PDE1A: variants seen among roughly 807,000 people sequenced by gnomAD.
PDE1A encodes the protein dual specificity calcium/calmodulin-dependent 3',5'-cyclic nucleotide phosphodiesterase 1A.
PDE1A carries 35 observed loss-of-function variants against 61.7 expected under a neutral mutation model. That is an observed-to-expected ratio of 0.57 (90% confidence interval 0.43 to 0.75). The LOEUF is 0.75. Ranked by LOEUF, PDE1A falls within the 30% of genes least tolerant of loss-of-function variation. PDE1A has a pLI of 0.00. For synonymous variants in PDE1A, 232 were observed against 213.2 expected (o/e 1.09, Z -0.77); for missense variants, 597 against 630.6 (o/e 0.95, Z 0.57).
At chr2:182,648,060 C>A in the PDE1A span, among the ~76,000 whole-genome samples, 2 of 152,142 alleles carry the variant, frequency 1.3e-5, no homozygotes, top group Non-Finnish European at 2.9e-5. Context: ...TTAAAAAACT[C>A]TCAGGCCTCA....
In PDE1A at chr2:182,186,448, C is replaced by CA. The variant is rs1165154192; in HGVS notation, c.1328+19dup. On this transcript the variant is annotated intron_variant, in intron 12 of 13. Transcript: ENST00000351439. ...AACACCACAAAGATGAAAAATAATG[C>CA]AAAAAAGAAAATATCATACCTGCTT... is the stretch of plus-strand genomic sequence containing the variant. 41 of 1,605,520 alleles carry CA rather than the reference C, an allele frequency of 2.6e-5. No homozygotes were observed. The highest frequency in any genetic ancestry group is 3.5e-5 in the Non-Finnish European group (41 of 1,178,002).
At chr2:182,577,214 T>C in the PDE1A span, among the ~76,000 whole-genome samples, 1 of 152,348 alleles carries the variant, frequency 6.6e-6, no homozygotes, top group South Asian at 2.1e-4. Context: ...TGGCCAAGTC[T>C]ACACTACCAT....
chr2:182,221,667 T>C (rs1688739540), intron 7 of PDE1A, among the ~76,000 whole-genome samples: 1 of 152,014 alleles, frequency 6.6e-6, no homozygotes, highest in Non-Finnish European at 1.5e-5. Context: ...ACTCTTCCTC[T>C]GTCTCCATCA....
At chr2:182,641,086 G>A in the PDE1A span, among the ~76,000 whole-genome samples, 111 of 150,252 alleles carry the variant, frequency 7.4e-4, no homozygotes, top group Non-Finnish European at 1.2e-3. Flanking sequence ...CATGTAGTAA[G>A]TTTTCAAACA....
intron 7 of PDE1A, among the ~76,000 whole-genome samples, chr2:182,214,522 C>T (rs1419967105): frequency 6.6e-6 from 1 of 151,872 alleles, no homozygotes; most frequent in Admixed American, 6.6e-5. Flanking sequence ...GGAAACCCAT[C>T]TCACATGCAG....
chr2:182,468,305 TG>T (rs1375545532), intron 2 of PDE1A, among the ~76,000 whole-genome samples: 1 of 152,010 alleles, frequency 6.6e-6, no homozygotes, highest in Admixed American at 6.6e-5. Context: ...ACTAAGTTTA[TG>T]TACAAGTTTA....
At chr2:182,560,628 G>A in the PDE1A span, among the ~76,000 whole-genome samples, 13 of 152,108 alleles carry the variant, frequency 8.5e-5, no homozygotes, top group African/African-American at 2.9e-4. Flanking sequence ...AGATCCCTGA[G>A]GAATCACCAC....
chr2:182,317,079 T>C (rs535301919), intron 1 of PDE1A, among the ~76,000 whole-genome samples: 1 of 152,324 alleles, frequency 6.6e-6, no homozygotes, highest in African/African-American at 2.4e-5. Context: ...AGTTTACTTA[T>C]GCAGTGCATC....
At chr2:182,284,591 AG>A (rs1281917964) in intron 1 of PDE1A, among the ~76,000 whole-genome samples, 1 of 152,100 alleles carries the variant, frequency 6.6e-6, no homozygotes, top group Non-Finnish European at 1.5e-5. Flanking sequence ...TCTTGCTTAA[AG>A]GGGGCATGTT....
intron 1 of PDE1A, among the ~76,000 whole-genome samples, chr2:182,271,934 C>T (rs1693056695): frequency 2.0e-5 from 3 of 151,948 alleles, no homozygotes; most frequent in Admixed American, 2.0e-4. Flanking sequence ...GATGCAAAAA[C>T]ATGCTACTTT....
chr2:182,177,196 C>T (rs987256488), intron 13 of PDE1A, among the ~76,000 whole-genome samples: 2 of 151,930 alleles, frequency 1.3e-5, no homozygotes, highest in African/African-American at 4.8e-5. Flanking sequence ...TGATGCTGGC[C>T]TCATAAAATG....
At chr2:182,619,652 T>C in the PDE1A span, among the ~76,000 whole-genome samples, 1 of 152,234 alleles carries the variant, frequency 6.6e-6, no homozygotes, top group African/African-American at 2.4e-5. Context: ...TAGGACAAGA[T>C]TTTTTTCTTT....
At chr2:182,572,062 G>A in the PDE1A span, among the ~76,000 whole-genome samples, 1 of 152,184 alleles carries the variant, frequency 6.6e-6, no homozygotes, top group Non-Finnish European at 1.5e-5. Context: ...GAGAGGCAGA[G>A]ACTTTTTTTG....
At chr2:182,323,322 T>C (rs984692341) in intron 1 of PDE1A, among the ~76,000 whole-genome samples, 4 of 152,110 alleles carry the variant, frequency 2.6e-5, no homozygotes, top group Non-Finnish European at 4.4e-5. Context: ...AACAAAAAAC[T>C]CCCATTTCTT....
chr2:182,252,993 T>TA (rs1167866609), intron 2 of PDE1A, among the ~76,000 whole-genome samples: 2 of 152,248 alleles, frequency 1.3e-5, no homozygotes, highest in African/African-American at 4.8e-5. Flanking sequence ...TAGTACTTGA[T>TA]ACTTGCTCAA....
intron 2 of PDE1A, among the ~76,000 whole-genome samples, chr2:182,499,584 G>T (rs1016522930): frequency 6.6e-6 from 1 of 152,086 alleles, no homozygotes; most frequent in African/African-American, 2.4e-5. Context: ...GGCTTATGAG[G>T]GTTGGGAAGA....
intron 1 of PDE1A, chr2:182,314,526 G>C (rs112230187): frequency 6.6e-6 from 1 of 152,096 alleles, no homozygotes; most frequent in Non-Finnish European, 1.5e-5. Context: ...CCTGGGAAAC[G>C]TAGTGAGACC....
upstream of PDE1A, among the ~76,000 whole-genome samples, chr2:182,524,430 T>A (rs1690732721): frequency 6.6e-6 from 1 of 152,168 alleles, no homozygotes; most frequent in Non-Finnish European, 1.5e-5. Flanking sequence ...ATGAGAACTA[T>A]TCTACTTAAG....
chr2:182,292,536 C>A (rs833161), intron 1 of PDE1A, among the ~76,000 whole-genome samples: 2,656 of 152,050 alleles, frequency 0.017, 47 homozygotes, highest in African/African-American at 0.039. Context: ...AATAGTGAGA[C>A]TATTCAATAT....
Sources: gnomAD v4.1 joint callset for allele counts (sites outside exome capture counted in the v4.1 genomes callset) on GRCh38, gnomAD v4.1.1 for gene constraint, MANE v1.5 for transcripts, NCBI Gene and HGNC (gene_info 2026-07-23, HGNC 2026-07-21) for gene names.